Variants in TIAM1 observed in about 807,000 individuals in gnomAD.
The protein encoded by TIAM1 is TIAM Rac1 associated GEF 1, also known as rho guanine nucleotide exchange factor TIAM1.
Under a neutral mutation model 163.5 loss-of-function variants are expected in TIAM1, and 65 were observed. The ratio of observed to expected loss-of-function variants is 0.40; its 90% CI spans 0.33 to 0.49. The LOEUF (loss-of-function observed/expected upper bound fraction) is 0.49. Among genes scored for constraint, TIAM1 ranks in the 20% least tolerant of loss-of-function variants. TIAM1 has a pLI of 0.77. For missense variants in TIAM1, 1,789 were observed against 2,044.7 expected (o/e 0.87, Z 2.41); for synonymous variants, 833 against 810.1 (o/e 1.03, Z -0.48).
chr21:31,311,805 G>A (rs999519428), intron 2 of TIAM1, among the ~76,000 whole-genome samples: 5 of 152,220 alleles, frequency 3.3e-5, no homozygotes, highest in African/African-American at 1.2e-4. Context: ...CTGTGAGGGT[G>A]TTGCCAAAGG....
chr21:31,461,089 C>T (rs541532464), intron 2 of TIAM1, among the ~76,000 whole-genome samples: 20 of 152,188 alleles, frequency 1.3e-4, no homozygotes, highest in African/African-American at 4.1e-4. Flanking sequence ...GGGGAACTCC[C>T]GACCAAACAC....
intron 15 of TIAM1, among the ~76,000 whole-genome samples, chr21:31,168,154 G>A (rs1329072523): frequency 6.6e-6 from 1 of 150,976 alleles, no homozygotes; most frequent in Non-Finnish European, 1.5e-5. Flanking sequence ...GTGCAGTGGT[G>A]TGATCTCAGT....
intron 2 of TIAM1, among the ~76,000 whole-genome samples, chr21:31,290,614 T>C (rs1397535407): frequency 8.1e-6 from 1 of 123,006 alleles, no homozygotes; most frequent in Non-Finnish European, 1.6e-5. Flanking sequence ...CCCACTGCAC[T>C]CCGGCCCCGG....
intron 15 of TIAM1, among the ~76,000 whole-genome samples, chr21:31,173,771 AACTT>A (rs1237614335): frequency 3.3e-5 from 5 of 152,192 alleles, no homozygotes; most frequent in African/African-American, 1.2e-4. Flanking sequence ...AATCCATAAA[AACTT>A]ACTAATCCTG....
In TIAM1 at chr21:31,202,986, A is replaced by G; in HGVS notation, c.2415T>C (p.His805=). The change falls in exon 12 of 28, where the codon CAT becomes CAC. Residue 805 remains histidine (H), a synonymous_variant. Coordinates refer to ENST00000541036, the MANE Select transcript of TIAM1 (RefSeq NM_001353694.2). ...CKTHQLDHSA[H]YLRLKFLIEN... ...CTATTAGAAATTTCAGGCGCAGGTAATGAGCAGAATGATCCAGTTGATGTG... is the reference window on the plus strand; with the variant it reads ...CTATTAGAAATTTCAGGCGCAGGTAGTGAGCAGAATGATCCAGTTGATGTG... 6.2e-7 allele frequency: 1 copy of G among 1,614,006 alleles called. No homozygotes were observed. Among genetic ancestry groups the G allele is most frequent in the Non-Finnish European group, 8.5e-7 (1 of 1,180,032 alleles).
chr21:31,232,165 A>T (rs1048644702), intron 6 of TIAM1, among the ~76,000 whole-genome samples: 5 of 151,678 alleles, frequency 3.3e-5, no homozygotes, highest in Non-Finnish European at 5.9e-5. Context: ...ATTATAAAAT[A>T]AAAAAAGCAT....
intron 2 of TIAM1, among the ~76,000 whole-genome samples, chr21:31,294,852 G>A (rs1049749751): frequency 2.6e-5 from 4 of 152,170 alleles, no homozygotes; most frequent in African/African-American, 7.2e-5. Flanking sequence ...CCCCGCACAC[G>A]GCCTGAACGC....
In TIAM1 at chr21:31,549,782, T is replaced by C. The variant is rs1211176883; in HGVS notation, c.-422+9145A>G. Among the ~76,000 whole-genome samples, 3 of 152,188 alleles carry C rather than the reference T, an allele frequency of 2.0e-5. No individual in the cohort carries two copies. The South Asian group carries it at 6.2e-4, about 32-fold the overall frequency. ...GTTCCTCAATACGTTAAACATAGAA[T>C]TACGTATGACGTAGCAACTCCATTC... On this transcript the variant is annotated intron_variant, in intron 1 of 28. Transcript: ENST00000286827.
chr21:31,326,617 G>A lies in TIAM1; in HGVS notation c.-189+12626C>T, dbSNP rs1267504008. On this transcript the variant is annotated intron_variant, in intron 2 of 27. Transcript: ENST00000541036. ...GATAGGGCAAGTCCCTAGTATCTCAGGGTATTCCCCACGCCCTGCAGATGT... is the reference window on the plus strand; with the variant it reads ...GATAGGGCAAGTCCCTAGTATCTCAAGGTATTCCCCACGCCCTGCAGATGT... 3.3e-5 allele frequency among the ~76,000 whole-genome samples: 5 copies of A among 152,150 alleles called. No individual in the cohort carries two copies. The East Asian group carries it at 9.6e-4, about 29-fold the overall frequency.
intron 6 of TIAM1, among the ~76,000 whole-genome samples, chr21:31,240,635 C>T (rs917120212): frequency 6.6e-6 from 1 of 152,198 alleles, no homozygotes; most frequent in African/African-American, 2.4e-5. Context: ...GAGCTTGTTG[C>T]TATTTGACCT....
intron 2 of TIAM1, among the ~76,000 whole-genome samples, chr21:31,315,240 C>T (rs565964570): frequency 1.1e-4 from 17 of 152,100 alleles, no homozygotes; most frequent in Non-Finnish European, 1.8e-4. Context: ...CATGGCCGGG[C>T]GCAGTGGCTC....
At position 31,469,421 on chromosome 21, in the gene TIAM1, G is replaced by A. The variant is rs369776310; in HGVS notation, c.-421-5386C>T. On this transcript the variant is annotated intron_variant, in intron 1 of 28. Coordinates refer to the TIAM1 transcript ENST00000286827. ...CAGCCTGTCTGCTTTTCTTAACTCCGTGAAAACACTTTCTCTCGTGACTCT... is the reference window on the plus strand; with the variant it reads ...CAGCCTGTCTGCTTTTCTTAACTCCATGAAAACACTTTCTCTCGTGACTCT... Among the ~76,000 whole-genome samples the A allele has an allele frequency of 1.5e-3, 223 of 152,146 alleles. 1 individual carries two copies. Among genetic ancestry groups the A allele is most frequent in the African/African-American group, 5.0e-3 (209 of 41,506 alleles).
chr21:31,193,618 C>G (rs1206080063), intron 13 of TIAM1, among the ~76,000 whole-genome samples: 1 of 152,156 alleles, frequency 6.6e-6, no homozygotes, highest in Non-Finnish European at 1.5e-5. Flanking sequence ...TGTGTTGATA[C>G]AGGAGTTAAG....
chr21:31,316,228 T>C (rs149672324), intron 2 of TIAM1, among the ~76,000 whole-genome samples: 3 of 152,224 alleles, frequency 2.0e-5, no homozygotes, highest in Non-Finnish European at 4.4e-5. Context: ...AAATTGAAGA[T>C]TGTCACCTAG....
intron 1 of TIAM1, among the ~76,000 whole-genome samples, chr21:31,492,776 T>TACAC (rs3055373): frequency 0.045 from 6,344 of 139,612 alleles, 152 homozygotes; most frequent in South Asian, 0.056. Context: ...TATTTTGGGT[T>TACAC]ACACACACAC....
chr21:31,245,943 G>A (rs2071478690), intron 5 of TIAM1, among the ~76,000 whole-genome samples: 1 of 152,108 alleles, frequency 6.6e-6, no homozygotes, highest in South Asian at 2.1e-4. Context: ...TTCATTACAG[G>A]TCTCCTCACA....
At chr21:31,245,114 T>C (rs1346564035) in intron 6 of TIAM1, among the ~76,000 whole-genome samples, 1 of 152,078 alleles carries the variant, frequency 6.6e-6, no homozygotes, top group Non-Finnish European at 1.5e-5. Flanking sequence ...AATAAAACTT[T>C]TTGACAGCTC....
intron 1 of TIAM1, among the ~76,000 whole-genome samples, chr21:31,551,456 T>TA (rs1353566525): frequency 2.7e-5 from 4 of 150,770 alleles, no homozygotes; most frequent in Middle Eastern, 6.8e-3. Context: ...AAAGAACCAT[T>TA]AAAAAAAATG....
intron 17 of TIAM1, 102 bp from the exon 18 acceptor site, chr21:31,153,236 G>T: frequency 2.1e-6 from 2 of 969,372 alleles, no homozygotes; most frequent in Non-Finnish European, 3.0e-6. Context: ...AAAGGATCTA[G>T]AAGAGAACAA....
Sources: gnomAD v4.1 joint callset for allele counts (sites outside exome capture counted in the v4.1 genomes callset) on GRCh38, gnomAD v4.1.1 for gene constraint, MANE v1.5 for transcripts, NCBI Gene and HGNC (gene_info 2026-07-23, HGNC 2026-07-21) for gene names.